HCFC1: variants seen among roughly 807,000 people sequenced by gnomAD.
HCFC1 encodes the protein host cell factor 1.
A neutral mutation model predicts 105.5 loss-of-function variants in HCFC1; 7 were observed. That is an observed-to-expected ratio of 0.07 (90% CI 0.04 to 0.12). The LOEUF (loss-of-function observed/expected upper bound fraction) is 0.12, where lower values mean the gene tolerates loss of function less well. Ranked by LOEUF, HCFC1 falls within the 10% of genes least tolerant of loss-of-function variation. HCFC1 has a pLI of 1.00. For synonymous variants in HCFC1, 918 were observed against 828.1 expected (o/e 1.11, Z -1.86); for missense variants, 1,065 against 1,823.6 (o/e 0.58, Z 7.58).
chrX:153,949,163 A>G lies in HCFC1; in HGVS notation c.*184T>C. ...CTGCCTCTGCTTCCTCCCAACAGCA[A>G]TGGTAAAATGTGCTTTCTTTAGATT... On this transcript the variant is annotated 3_prime_UTR_variant, in exon 26 of 26. Transcript: ENST00000310441. 2.4e-6 allele frequency: 1 copy of G among 410,923 alleles called. No individual in the cohort carries two copies. Among genetic ancestry groups the G allele is most frequent in the Non-Finnish European group, 4.3e-6 (1 of 232,560 alleles). 33.9% of individuals were successfully genotyped at this position (410,923 alleles called of 1,213,427 possible). A position where few individuals can be genotyped will look rare whatever the true frequency, so the allele number is the denominator to read the frequency against.
Position 153,953,002 on chromosome X carries a change from G to T in HCFC1, c.4498-44C>A, listed in dbSNP as rs372695885. 8.1e-5 allele frequency: 87 copies of T among 1,068,433 alleles called. No individual in the cohort carries two copies. In the African/African-American group the frequency reaches 1.5e-3, roughly 18 times the overall value. The allele number at this position is 1,068,433 out of a possible 1,213,427, so 88.1% of individuals were successfully genotyped here. On this transcript the variant is annotated intron_variant, in intron 18 of 25. Coordinates refer to ENST00000310441, the MANE Select transcript of HCFC1 (RefSeq NM_005334.3). ...AGAGAAGGGCATGTCAGAAGTTTCT[G>T]TGTTGGCTATGGTCACTGTTATTTT...
chrX:153,964,342 C>T, intron 2 of HCFC1, 58 bp from the exon 3 acceptor site: 1 of 1,076,104 alleles, frequency 9.3e-7, no homozygotes, highest in South Asian at 2.3e-5. Flanking sequence ...CACTAGGGAC[C>T]CGGGGCAACT....
At chrX:153,959,273 G>A in intron 9 of HCFC1, 58 bp downstream of exon 9, 2 of 1,125,765 alleles carry the variant, frequency 1.8e-6, no homozygotes, top group South Asian at 2.1e-5. Context: ...CAGTACACTT[G>A]CAACTTAATC....
chrX:153,955,322 G>A lies in HCFC1; in HGVS notation c.3077C>T (p.Thr1026Ile). The A allele has an allele frequency of 8.3e-7, 1 of 1,211,943 alleles. No homozygotes were observed. Among genetic ancestry groups the A allele is most frequent in the Non-Finnish European group, 1.1e-6 (1 of 895,381 alleles). Residue 1026 changes from threonine (T) to isoleucine (I), a missense_variant, in exon 17 of 26, where the codon ACC becomes ATC. By Grantham distance (89) the Thr-to-Ile change is moderately conservative. Around this residue, in one of 17 missense-constraint regions of HCFC1, gnomAD observed 546 missense variants for 599.9 expected, o/e 0.91. Coordinates refer to ENST00000310441, the MANE Select transcript of HCFC1 (RefSeq NM_005334.3). ...PPCETHETGT[T>I]NTATTTVVAN... The stretch of plus-strand genomic sequence containing the variant: ...CACAACAGTAGTGGTGGCCGTGTTG[G>A]TGGTGCCAGTCTCGTGGGTCTCACA...
At chrX:153,951,105 C>G in intron 22 of HCFC1, 107 bp from the exon 23 acceptor site, 29 of 831,473 alleles carry the variant, frequency 3.5e-5, no homozygotes, top group Non-Finnish European at 5.1e-5. Context: ...GAAAAGAGGT[C>G]AGCGGTGGCT....
chrX:153,966,443 C>T (rs2148605309), intron 1 of HCFC1, among the ~76,000 whole-genome samples: 1 of 112,509 alleles, frequency 8.9e-6, no homozygotes, highest in South Asian at 3.7e-4. Flanking sequence ...ACACCTGTGC[C>T]GCCCGCATGT....
At chrX:153,956,890 G>T in intron 14 of HCFC1, 28 bp downstream of exon 14, 1 of 1,209,724 alleles carries the variant, frequency 8.3e-7, no homozygotes, top group Non-Finnish European at 1.1e-6. Context: ...TAGGACACTG[G>T]GCTGAGAGAC....
Position 153,952,107 on chromosome X carries a change from G to C in HCFC1, c.4994C>G (p.Ala1665Gly). 1 of 1,147,519 alleles carries C rather than the reference G, an allele frequency of 8.7e-7. No individual in the cohort carries two copies. The highest frequency in any genetic ancestry group is 2.0e-5 in the South Asian group (1 of 48,808). 94.6% of individuals were successfully genotyped at this position (1,147,519 alleles called of 1,213,427 possible). Residue 1665 changes from alanine (A) to glycine (G), a missense_variant, in exon 20 of 26, where the codon GCG becomes GGG. Ala to Gly is a moderately conservative substitution (Grantham distance 60, BLOSUM62 0). Around this residue, in one of 17 missense-constraint regions of HCFC1, gnomAD observed 115 missense variants for 143.7 expected, o/e 0.80. Transcript: ENST00000310441. ...CTCGGCCGACAGGTGCCCCAGCTCC[G>C]CCTGAGTCACGGTTGCTGCTGCCTC... ...TSEAAATVTQ[A>G]ELGHLSAEGQ...
At position 153,954,319 on chromosome X, in the gene HCFC1, G is replaced by C. The variant is rs1462686253; in HGVS notation, c.4080C>G (p.His1360Gln). ...TGGTGGTGCCAGTGGAAGTGGTCTGGTGTGTCTCACAGGGGCGACCAGCAG... is the reference window on the plus strand; with the variant it reads ...TGGTGGTGCCAGTGGAAGTGGTCTGCTGTGTCTCACAGGGGCGACCAGCAG... ...QPPAGRPCETHQTTSTGTTMS... is the reference protein window; with the variant it reads ...QPPAGRPCETQQTTSTGTTMS... Residue 1360 changes from histidine to glutamine, a missense_variant, in exon 17 of 26, where the codon CAC becomes CAG. Physicochemically the swap from His to Gln is conservative, Grantham distance 24. Around this residue, in one of 17 missense-constraint regions of HCFC1, gnomAD observed 546 missense variants for 599.9 expected, o/e 0.91. Coordinates refer to ENST00000310441, the MANE Select transcript of HCFC1 (RefSeq NM_005334.3). 2.5e-6 allele frequency: 3 copies of C among 1,199,137 alleles called. No homozygotes were observed. The highest frequency in any genetic ancestry group is 3.4e-6 in the Non-Finnish European group (3 of 888,572).
At position 153,954,465 on chromosome X, in the gene HCFC1, T is replaced by C; in HGVS notation, c.3934A>G (p.Ser1312Gly). ...GGGTTGGAGCACACCCTCTGGGCGC[T>C]GCCTGCATTCGAGGTAGTGGCGGTG... ...TNTATTSNAG[S>G]AQRVCSNPPC... Residue 1312 changes from serine to glycine, a missense_variant, in exon 17 of 26, where the codon AGC becomes GGC. This residue lies in a region of HCFC1 where 546 missense variants were observed against 599.9 expected (regional missense o/e 0.91). Coordinates refer to ENST00000310441, the MANE Select transcript of HCFC1 (RefSeq NM_005334.3). 8.3e-7 allele frequency: 1 copy of C among 1,211,244 alleles called. No homozygotes were observed. The highest frequency in any genetic ancestry group is 1.1e-6 in the Non-Finnish European group (1 of 895,241).
Position 153,952,545 on chromosome X carries a change from C to G in HCFC1, c.4911G>C (p.Ala1637=), listed in dbSNP as rs374047752. 1.7e-6 allele frequency: 2 copies of G among 1,181,557 alleles called. No individual in the cohort carries two copies. Among genetic ancestry groups the G allele is most frequent in the Non-Finnish European group, 2.3e-6 (2 of 879,215 alleles). ...CGGCCTGCTGCGCGGCCTGGAGCAC[C>G]GCCTGGATGGCCAGGGCCTGGGCTT... ...TEEAQALAIQ[A]VLQAAQQAVM... is the part of the protein sequence containing the mutation. The change falls in exon 19 of 26, where the codon GCG becomes GCC. Residue 1637 remains alanine, a synonymous_variant. Transcript: ENST00000310441.
rs1557111497 is a variant in HCFC1, at chrX:153,948,292, G to C, written c.*1055C>G. On this transcript the variant is annotated 3_prime_UTR_variant, in exon 26 of 26. Transcript: ENST00000310441. ...CGGAGTGATCGCCCATGAGGAATGA[G>C]CTGTCCTTCCTTTGTTCCAGCGGCC... 1 of 111,587 alleles carries C rather than the reference G, an allele frequency of 9.0e-6. No homozygotes were observed. Among genetic ancestry groups the C allele is most frequent in the East Asian group, 2.8e-4 (1 of 3,553 alleles). The allele number at this position is 111,587 out of a possible 1,213,427, so 9.2% of individuals were successfully genotyped here. A position where few individuals can be genotyped will look rare whatever the true frequency, so the allele number is the denominator to read the frequency against.
In HCFC1 at chrX:153,954,250, GGAA is replaced by G; in HGVS notation, c.4146_4148del (p.Ser1383del). 1 of 1,206,382 alleles carries G rather than the reference GGAA, an allele frequency of 8.3e-7. No homozygotes were observed. The highest frequency in any genetic ancestry group is 1.1e-6 in the Non-Finnish European group (1 of 891,922). ...CTAGGCCAGACTCCACGGTCCTGTG[GGAA>G]GAAGTGGCGTCGGGAAGCAGGGCAC... is the stretch of plus-strand genomic sequence containing the variant. On this transcript the variant is annotated inframe_deletion, in exon 17 of 26. Transcript: ENST00000310441.
intron 19 of HCFC1, 133 bp from the exon 20 acceptor site, chrX:153,952,291 T>C (rs2065321031): frequency 9.7e-7 from 1 of 1,028,045 alleles, no homozygotes; most frequent in African/African-American, 1.9e-5. Context: ...GGCTAAGCCC[T>C]GGCCGAGGGG....
At chrX:153,952,413 A>G (rs2065322317) in intron 19 of HCFC1, 101 bp downstream of exon 19, 1 of 967,939 alleles carries the variant, frequency 1.0e-6, no homozygotes, top group Admixed American at 3.5e-5. Flanking sequence ...CATCTGGCTC[A>G]TGCCACCCTC....
rs913223392 is a variant in HCFC1 at position 153,949,358 on chromosome X, C to T, written c.6097G>A (p.Asp2033Asn). ...TAGTCAGCTTCCTCTCACTGACCAT[C>T]GGCCTTAGATTTCTTTGGAGCAGAT... is the stretch of plus-strand genomic sequence containing the variant. ...MKSAPKKSKA[D>N]GQ The change falls in exon 26 of 26, where the codon GAT (aspartate) becomes AAT (asparagine). Residue 2033 changes from aspartate (D) to asparagine (N), a missense_variant. Transcript: ENST00000310441. 1.7e-6 allele frequency: 2 copies of T among 1,207,045 alleles called. No individual in the cohort carries two copies. Among genetic ancestry groups the T allele is most frequent in the Non-Finnish European group, 2.2e-6 (2 of 892,621 alleles).
intron 12 of HCFC1, 42 bp from the exon 13 acceptor site, chrX:153,957,575 G>T: frequency 9.5e-7 from 1 of 1,056,532 alleles, no homozygotes; most frequent in Non-Finnish European, 1.3e-6. Flanking sequence ...ATCACTGCCA[G>T]GAAGGGAAGT....
rs1355301948 is a variant in HCFC1 at position 153,954,089 on chromosome X, G to C, written c.4310C>G (p.Thr1437Ser). Residue 1437 changes from threonine (T) to serine (S), a missense_variant, in exon 17 of 26, where the codon ACT becomes AGT. By Grantham distance (58) the Thr-to-Ser change is moderately conservative (BLOSUM62 1). Around this residue, in one of 17 missense-constraint regions of HCFC1, gnomAD observed 546 missense variants for 599.9 expected, o/e 0.91. Transcript: ENST00000310441. ...TGTTHTATTV[T>S]SNMSSNQDPP... ...ACCTTGGTTTGAACTCATGTTGGAA[G>C]TGACAGTGGTGGCCGTGTGAGTGGT... 3 of 1,202,188 alleles carry C rather than the reference G, an allele frequency of 2.5e-6. No homozygotes were observed. The highest frequency in any genetic ancestry group is 3.4e-6 in the Non-Finnish European group (3 of 889,699).
In HCFC1 at chrX:153,970,774, C is replaced by T. The variant is rs1603299535; in HGVS notation, c.67G>A (p.Val23Met). The change falls in exon 1 of 26, where the codon GTG becomes ATG. Residue 23 changes from valine to methionine, a missense_variant. This residue lies in a region of HCFC1 where 38 missense variants were observed against 190.1 expected (regional missense o/e 0.20). Coordinates refer to ENST00000310441, the MANE Select transcript of HCFC1 (RefSeq NM_005334.3). The stretch of plus-strand genomic sequence containing the variant: ...CGTGGCACCGGACCCGACCAGCCCA[C>T]CACTCGCTTCCAGCGGGGCTGCAGA... ...VLLQPRWKRV[V>M]GWSGPVPRPR... The T allele has an allele frequency of 8.3e-7, 1 of 1,201,539 alleles. No homozygotes were observed. The highest frequency in any genetic ancestry group is 1.1e-6 in the Non-Finnish European group (1 of 891,271).
Sources: allele counts gnomAD v4.1 joint callset (sites outside exome capture counted in the v4.1 genomes callset), GRCh38; gene constraint gnomAD v4.1.1; regional missense constraint gnomAD v4.1.1; transcripts MANE v1.5; gene names NCBI Gene and HGNC (gene_info 2026-07-23, HGNC 2026-07-21).